Variants in ESS2 observed in about 807,000 individuals in gnomAD.
The protein encoded by ESS2 is ess-2 spliceosome associated protein, also known as splicing factor ESS-2 homolog.
Under a neutral mutation model 52.0 loss-of-function variants are expected in ESS2, and 31 were observed. That is an observed-to-expected ratio of 0.60 (90% CI 0.45 to 0.81). The LOEUF is 0.81. Ranked by LOEUF, ESS2 falls within the 30% of genes least tolerant of loss-of-function variation. The pLI, the probability that ESS2 is intolerant of heterozygous loss-of-function variation, is 0.00. For missense variants in ESS2, 602 were observed against 637.2 expected, an observed-to-expected ratio of 0.94 and a Z score of 0.59; for synonymous variants, 285 against 259.2, an observed-to-expected ratio of 1.10 and a Z score of -0.95.
At chr22:19,140,137 C>A in intron 3 of ESS2, 113 bp from the exon 4 acceptor site, 1 of 1,323,204 alleles carries the variant, frequency 7.6e-7, no homozygotes, top group East Asian at 2.4e-5. Context: ...ATCCTCTCCC[C>A]TGGTCCTGGC....
Position 19,137,373 on chromosome 22 carries a change from C to T in ESS2, c.985G>A (p.Glu329Lys). The T allele has an allele frequency of 2.5e-6, 4 of 1,613,920 alleles. No individual in the cohort carries two copies. In the South Asian group the frequency reaches 4.4e-5, roughly 18 times the overall value. ...TCCACGTAGGGCGTTTCCGACCCTTCAACTCTCAAGGGTGTGTTCTCAACC... is the reference window on the plus strand; with the variant it reads ...TCCACGTAGGGCGTTTCCGACCCTTTAACTCTCAAGGGTGTGTTCTCAACC... ...GEVENTPLRV[E>K]GSETPYVDRT... Residue 329 changes from glutamate (E) to lysine (K), a missense_variant, in exon 8 of 10, where the codon GAA becomes AAA. By Grantham distance (56) the Glu-to-Lys change is moderately conservative. Transcript: ENST00000252137.
At position 19,134,207 on chromosome 22, in the gene ESS2, C is replaced by A. The variant is rs778713377; in HGVS notation, c.1420G>T (p.Asp474Tyr). Residue 474 changes from aspartate (D) to tyrosine (Y), a missense_variant, in exon 10 of 10, where the codon GAC (aspartate) becomes TAC (tyrosine). Coordinates refer to ENST00000252137, the MANE Select transcript of ESS2 (RefSeq NM_022719.3). ...GCCCAGGCCTGGCTCTAAAAGAAGT[C>A]CGAAGCTTTGCGCCGGGCAGGGAGC... Reference protein sequence around the residue: ...LQLPARRKASDFF With the variant: ...LQLPARRKASYFF The A allele has an allele frequency of 4.6e-6, 7 of 1,514,422 alleles. No homozygotes were observed. The East Asian group carries it at 1.7e-4, about 36-fold the overall frequency. The allele number at this position is 1,514,422 out of a possible 1,614,324, so 93.8% of individuals were successfully genotyped here.
At chr22:19,144,168 A>C in intron 1 of ESS2, 4 of 1,091,642 alleles carry the variant, frequency 3.7e-6, no homozygotes, top group Non-Finnish European at 4.5e-6. Flanking sequence ...GAACCCCAGC[A>C]TTCACACTTG....
In ESS2 at chr22:19,131,401, T is replaced by C. The variant is rs138199466; in HGVS notation, c.*2795A>G. ...GCGGCGCCAGTCGCTCCTGGCACCATGGACGATGCCACAGTCCTAAGGAAG... is the reference window on the plus strand; with the variant it reads ...GCGGCGCCAGTCGCTCCTGGCACCACGGACGATGCCACAGTCCTAAGGAAG... On this transcript the variant is annotated 3_prime_UTR_variant, in exon 10 of 10. Transcript: ENST00000252137. The surrounding 1 kb of genome is among the most constrained non-coding windows in gnomAD (Gnocchi z 5.7). The C allele has an allele frequency of 1.2e-4, 185 of 1,574,558 alleles. No individual in the cohort carries two copies. Among genetic ancestry groups the C allele is most frequent in the Non-Finnish European group, 1.5e-4 (175 of 1,155,880 alleles).
intron 9 of ESS2, among the ~76,000 whole-genome samples, chr22:19,134,856 G>C (rs2083554146): frequency 6.6e-6 from 1 of 152,184 alleles, no homozygotes; most frequent in Admixed American, 6.5e-5. Flanking sequence ...GTGGAGGAAA[G>C]AGAAGATGGA....
chr22:19,140,423 A>G (rs2083665645), intron 3 of ESS2, among the ~76,000 whole-genome samples: 1 of 151,796 alleles, frequency 6.6e-6, no homozygotes, highest in South Asian at 2.1e-4. Flanking sequence ...GCTCTCCCTC[A>G]CTCCCTAGGA....
chr22:19,135,296 A>C, intron 8 of ESS2, 121 bp from the exon 9 acceptor site: 1 of 729,266 alleles, frequency 1.4e-6, no homozygotes, highest in Non-Finnish European at 2.2e-6. Flanking sequence ...AACCCCCACA[A>C]CCCATCACCT....
At chr22:19,134,594 G>A in intron 9 of ESS2, 119 bp from the exon 10 acceptor site, 2 of 1,144,396 alleles carry the variant, frequency 1.7e-6, no homozygotes, top group South Asian at 3.5e-5. Context: ...CTGAGCTGAG[G>A]AGGATGGTAC....
In ESS2 at chr22:19,132,357, C is replaced by T. The variant is rs1569103323; in HGVS notation, c.*1839G>A. 2 of 1,613,152 alleles carry T rather than the reference C, an allele frequency of 1.2e-6. No homozygotes were observed. Among genetic ancestry groups the T allele is most frequent in the East Asian group, 2.2e-5 (1 of 44,866 alleles). ...CGACCACAAGCTTGGAGCCAAAACC[C>T]AGCACCGGCTGCTGGTGGTGCCCGA... is the stretch of plus-strand genomic sequence containing the variant. On this transcript the variant is annotated 3_prime_UTR_variant, in exon 10 of 10. Coordinates refer to ENST00000252137, the MANE Select transcript of ESS2 (RefSeq NM_022719.3). This position sits in a 1 kb window ranked among gnomAD's most constrained non-coding sequence, Gnocchi z 4.2.
rs2083542327 is a variant in ESS2, at chr22:19,134,312, T to C, written c.1315A>G (p.Thr439Ala). 1.2e-6 allele frequency: 2 copies of C among 1,608,138 alleles called. No individual in the cohort carries two copies. The highest frequency in any genetic ancestry group is 8.5e-7 in the Non-Finnish European group (1 of 1,177,112). ...GCAGAGCCAGGCGCCGGTGTGCTTG[T>C]GGGGGTCTGCAGCCCACTGGCCGGG... is the stretch of plus-strand genomic sequence containing the variant. ...KTPASGLQTPTSTPAPGSATR... is the reference protein window; with the variant it reads ...KTPASGLQTPASTPAPGSATR... Residue 439 changes from threonine (T) to alanine (A), a missense_variant, in exon 10 of 10, where the codon ACA (threonine) becomes GCA (alanine). Transcript: ENST00000252137.
intron 1 of ESS2, among the ~76,000 whole-genome samples, chr22:19,143,258 G>C (rs928934498): frequency 6.6e-6 from 1 of 150,860 alleles, no homozygotes; most frequent in African/African-American, 2.4e-5. Flanking sequence ...GGGTGCTCCT[G>C]CCTCACAGGT....
intron 3 of ESS2, among the ~76,000 whole-genome samples, chr22:19,141,312 C>T (rs936175377): frequency 5.9e-5 from 9 of 152,218 alleles, no homozygotes; most frequent in African/African-American, 2.2e-4. Context: ...TACTCCAGCA[C>T]AGTGGAGTCT....
intron 7 of ESS2, chr22:19,137,925 A>G: frequency 1.0e-6 from 1 of 985,288 alleles, no homozygotes; most frequent in South Asian, 4.7e-5. Context: ...ACTCATAAGC[A>G]CTGTGCACAC....
rs886604005 is a variant in ESS2 at position 19,133,557 on chromosome 22, T to A, written c.*639A>T. 6.6e-6 allele frequency: 1 copy of A among 152,276 alleles called. No individual in the cohort carries two copies. Among genetic ancestry groups the A allele is most frequent in the African/African-American group, 2.4e-5 (1 of 41,378 alleles). 9.4% of individuals were successfully genotyped at this position (152,276 alleles called of 1,614,324 possible). ...CCAGGTGCTGGGAGAAGGTGATAGCTGAGATCACCTGATATGCAGCCCCCA... is the reference window on the plus strand; with the variant it reads ...CCAGGTGCTGGGAGAAGGTGATAGCAGAGATCACCTGATATGCAGCCCCCA... On this transcript the variant is annotated 3_prime_UTR_variant, in exon 10 of 10. Coordinates refer to ENST00000252137, the MANE Select transcript of ESS2 (RefSeq NM_022719.3).
Position 19,137,419 on chromosome 22 carries a change from GGACTC to G in ESS2, c.934_938del (p.Glu312ProfsTer9), listed in dbSNP as rs1295920722. 3 of 1,613,072 alleles carry G rather than the reference GGACTC, an allele frequency of 1.9e-6. No homozygotes were observed. The Admixed American group carries it at 5.0e-5, about 27-fold the overall frequency. On this transcript the variant is annotated frameshift_variant, in exon 8 of 10. Coordinates refer to ENST00000252137, the MANE Select transcript of ESS2 (RefSeq NM_022719.3). LOFTEE classifies it high-confidence loss of function. ...CAACCTCCCCCCAGGTCATCATCGG[GGACTC>G]GTTCACACCTGCAGACAAAGAGCCC...
rs2083512823 is a variant in ESS2, at chr22:19,131,989, AT to A, written c.*2206del. 6.2e-7 allele frequency: 1 copy of A among 1,614,192 alleles called. No homozygotes were observed. The highest frequency in any genetic ancestry group is 8.5e-7 in the Non-Finnish European group (1 of 1,180,032). ...AGCATCCCCTACCAGCCCAAGGTGTATGACATCTGGAGCCTGGGCGTGATCC... is the reference window on the plus strand; with the variant it reads ...AGCATCCCCTACCAGCCCAAGGTGTAGACATCTGGAGCCTGGGCGTGATCC... On this transcript the variant is annotated 3_prime_UTR_variant, in exon 10 of 10. Coordinates refer to ENST00000252137, the MANE Select transcript of ESS2 (RefSeq NM_022719.3). The surrounding 1 kb of genome is among the most constrained non-coding windows in gnomAD (Gnocchi z 5.7).
chr22:19,132,495 G>C lies in ESS2; in HGVS notation c.*1701C>G, dbSNP rs1192269317. 6.3e-7 allele frequency: 1 copy of C among 1,586,490 alleles called. No homozygotes were observed. The highest frequency in any genetic ancestry group is 8.6e-7 in the Non-Finnish European group (1 of 1,163,590). On this transcript the variant is annotated 3_prime_UTR_variant, in exon 10 of 10. Transcript: ENST00000252137. This position sits in a 1 kb window ranked among gnomAD's most constrained non-coding sequence, Gnocchi z 4.2. ...CACCTAGCATGACAATGGCCCCGTTGTGTGTGGTGGGGGTCGGGGTTGGGG... is the reference window on the plus strand; with the variant it reads ...CACCTAGCATGACAATGGCCCCGTTCTGTGTGGTGGGGGTCGGGGTTGGGG...
chr22:19,134,160 C>T lies in ESS2; in HGVS notation c.*36G>A, dbSNP rs775618846. 2.7e-5 allele frequency: 40 copies of T among 1,477,808 alleles called. No individual in the cohort carries two copies. The East Asian group carries it at 8.7e-4, about 32-fold the overall frequency. 91.5% of individuals were successfully genotyped at this position (1,477,808 alleles called of 1,614,324 possible). On this transcript the variant is annotated 3_prime_UTR_variant, in exon 10 of 10. Transcript: ENST00000252137. ...TGGGTGTACAGCTGCCCTGCAGGCTCTGTGAAGCGTCTATGAGCCCAGCCC... is the reference window on the plus strand; with the variant it reads ...TGGGTGTACAGCTGCCCTGCAGGCTTTGTGAAGCGTCTATGAGCCCAGCCC...
In ESS2 at chr22:19,132,131, G is replaced by A; in HGVS notation, c.*2065C>T. ...CGCGCTCCAAGAACCTGACCTGCGA[G>A]TGCAAGGACCTCATCTACCGCATGC... On this transcript the variant is annotated 3_prime_UTR_variant, in exon 10 of 10. Transcript: ENST00000252137. The surrounding 1 kb of genome is among the most constrained non-coding windows in gnomAD (Gnocchi z 4.2). 6.2e-7 allele frequency: 1 copy of A among 1,612,860 alleles called. No homozygotes were observed.
Sources: allele counts gnomAD v4.1 joint callset (sites outside exome capture counted in the v4.1 genomes callset), GRCh38; gene constraint gnomAD v4.1.1; non-coding constraint Gnocchi (gnomAD v3.1); transcripts MANE v1.5; gene names NCBI Gene and HGNC (gene_info 2026-07-23, HGNC 2026-07-21).